Variants in ANO5 observed in about 807,000 individuals in gnomAD.
The protein encoded by ANO5 is anoctamin-5.
ANO5 carries 109 observed loss-of-function variants against 121.0 expected under a neutral mutation model. The observed-to-expected ratio is 0.90, with a 90% CI of 0.77 to 1.06. ANO5 has a LOEUF of 1.06. Among genes scored for constraint, ANO5 ranks in the 50% least tolerant of loss-of-function variants. The probability of loss-of-function intolerance (pLI) is 0.00; values close to 1 mark genes in which losing one functional copy is unlikely to be tolerated. For synonymous variants in ANO5, 406 were observed against 359.9 expected, an observed-to-expected ratio of 1.13 and a Z score of -1.45; for missense variants, 1,064 against 1,078.5, an observed-to-expected ratio of 0.99 and a Z score of 0.19.
chr11:22,267,464 TA>T (rs1269749824), intron 17 of ANO5, among the ~76,000 whole-genome samples: 1 of 149,800 alleles, frequency 6.7e-6, no homozygotes, highest in Non-Finnish European at 1.5e-5. Context: ...CAATACTTTT[TA>T]TGCCATATAA....
At chr11:22,255,911 T>C (rs1853987206) in intron 13 of ANO5, among the ~76,000 whole-genome samples, 1 of 152,180 alleles carries the variant, frequency 6.6e-6, no homozygotes, top group East Asian at 1.9e-4. Flanking sequence ...ATAATGTGTA[T>C]GCTGTGGGCT....
At chr11:22,204,808 G>T (rs1048854326) in intron 2 of ANO5, among the ~76,000 whole-genome samples, 7 of 152,066 alleles carry the variant, frequency 4.6e-5, no homozygotes, top group African/African-American at 1.7e-4. Context: ...AAGACCTAAA[G>T]ATAGAAATAC....
chr11:22,267,706 T>TATCA lies in ANO5; in HGVS notation c.1899-2605_1899-2602dup, dbSNP rs562590597. ...TGGGGGTTTGTTGTATAGATTATTT[T>TATCA]ATCATCCAGGTATTAAATCTAATAC... On this transcript the variant is annotated intron_variant, in intron 17 of 21. Coordinates refer to ENST00000324559, the MANE Select transcript of ANO5 (RefSeq NM_213599.3). Among the ~76,000 whole-genome samples, 17 of 152,238 alleles carry TATCA rather than the reference T, an allele frequency of 1.1e-4. No homozygotes were observed. The East Asian group carries it at 2.7e-3, about 24-fold the overall frequency.
intron 18 of ANO5, among the ~76,000 whole-genome samples, chr11:22,271,569 C>T (rs1854613071): frequency 6.6e-6 from 1 of 152,116 alleles, no homozygotes; most frequent in Non-Finnish European, 1.5e-5. Flanking sequence ...GTGTAAGTTT[C>T]AAATGAGTTT....
rs1194310711 is a variant in ANO5, at chr11:22,243,547, C to A, written c.878+3863C>A. ...GTATTTGGGTGTGAATTCATCTGGT[C>A]TAGGGCATTTTTTGATTGGTAGATT... On this transcript the variant is annotated intron_variant, in intron 9 of 21. Coordinates refer to ENST00000324559, the MANE Select transcript of ANO5 (RefSeq NM_213599.3). Among the ~76,000 whole-genome samples the A allele has an allele frequency of 2.6e-5, 4 of 151,896 alleles. No homozygotes were observed. The South Asian group carries it at 8.3e-4, about 32-fold the overall frequency.
rs1853786211 is a variant in ANO5, at chr11:22,250,752, G to C, written c.1025G>C (p.Cys342Ser). The change falls in exon 11 of 22, where the codon TGT (cysteine) becomes TCT (serine). Residue 342 changes from cysteine to serine, a missense_variant. Cys to Ser is a moderately radical substitution (Grantham distance 112). Coordinates refer to ENST00000324559, the MANE Select transcript of ANO5 (RefSeq NM_213599.3). ...TGTTCCTCTTGCAGCACTGAAATCT[G>C]TGACCCTGAGATTGGTGGTCAGATG... is the stretch of plus-strand genomic sequence containing the variant. ...MEHNTSSTEI[C>S]DPEIGGQMIM... 6.2e-7 allele frequency: 1 copy of C among 1,613,848 alleles called. No homozygotes were observed. Among genetic ancestry groups the C allele is most frequent in the Non-Finnish European group, 8.5e-7 (1 of 1,179,910 alleles).
At position 22,217,149 on chromosome 11, in the gene ANO5, T is replaced by C. The variant is rs148238457; in HGVS notation, c.139-1097T>C. 2.0e-3 allele frequency among the ~76,000 whole-genome samples: 309 copies of C among 152,136 alleles called. 2 individuals carry two copies. Among genetic ancestry groups the C allele is most frequent in the African/African-American group, 7.3e-3 (304 of 41,564 alleles). ...TACAGGGCAGGAATTTTCCCTCCAA[T>C]AGTCACCAGTTGCTTAGACTTCTTC... is the stretch of plus-strand genomic sequence containing the variant. On this transcript the variant is annotated intron_variant, in intron 3 of 21. Transcript: ENST00000324559.
At chr11:22,225,438 C>T (rs781316297) in intron 5 of ANO5, among the ~76,000 whole-genome samples, 2 of 152,094 alleles carry the variant, frequency 1.3e-5, no homozygotes, top group Non-Finnish European at 2.9e-5. Context: ...GCCCGGGTGA[C>T]AGAGTGAGAC....
chr11:22,248,357 G>A (rs1853690781), intron 9 of ANO5, among the ~76,000 whole-genome samples: 1 of 151,948 alleles, frequency 6.6e-6, no homozygotes, highest in Non-Finnish European at 1.5e-5. Flanking sequence ...ATACTCAAAA[G>A]AAGGCTCTCC....
chr11:22,238,183 T>G lies in ANO5; in HGVS notation c.763-1386T>G, dbSNP rs182412085. Among the ~76,000 whole-genome samples the G allele has an allele frequency of 6.7e-3, 1,024 of 152,088 alleles. 7 individuals carry two copies. Among genetic ancestry groups the G allele is most frequent in the African/African-American group, 0.023 (969 of 41,516 alleles). On this transcript the variant is annotated intron_variant, in intron 8 of 21. Transcript: ENST00000324559. ...TTAGGAGATTATAGATTCTAAATAC[T>G]AACATGGACGTTTGGTAAAGCAGAA...
chr11:22,218,561 T>C (rs1362576367), intron 4 of ANO5, among the ~76,000 whole-genome samples: 1 of 151,870 alleles, frequency 6.6e-6, no homozygotes, highest in Non-Finnish European at 1.5e-5. Flanking sequence ...AATGCAGGGT[T>C]TTATTTTGTT....
intron 14 of ANO5, 87 bp from the exon 15 acceptor site, chr11:22,259,432 G>C (rs1394058724): frequency 7.5e-7 from 1 of 1,340,774 alleles, no homozygotes; most frequent in Non-Finnish European, 1.1e-6. Flanking sequence ...CATATAATGA[G>C]ATGAACAGAA....
At chr11:22,248,662 T>C (rs1853700164) in intron 9 of ANO5, among the ~76,000 whole-genome samples, 1 of 151,960 alleles carries the variant, frequency 6.6e-6, no homozygotes, top group Admixed American at 6.6e-5. Flanking sequence ...AGCAATTTCT[T>C]TTTTTGACAG....
intron 9 of ANO5, among the ~76,000 whole-genome samples, chr11:22,245,742 C>A (rs1340228945): frequency 2.0e-5 from 3 of 152,134 alleles, no homozygotes; most frequent in Non-Finnish European, 4.4e-5. Flanking sequence ...GTTAGTCCAT[C>A]ACACATTCTC....
intron 9 of ANO5, among the ~76,000 whole-genome samples, chr11:22,247,107 C>T (rs1201932976): frequency 6.6e-6 from 1 of 152,102 alleles, no homozygotes; most frequent in Non-Finnish European, 1.5e-5. Context: ...CACCTATCTT[C>T]ATGACAACCT....
intron 12 of ANO5, among the ~76,000 whole-genome samples, chr11:22,253,420 T>G (rs556631127): frequency 6.6e-6 from 1 of 152,278 alleles, no homozygotes; most frequent in South Asian, 2.1e-4. Flanking sequence ...AAATTTTAAA[T>G]GATTAGTGTA....
At chr11:22,202,796 C>T (rs892986349) in intron 1 of ANO5, among the ~76,000 whole-genome samples, 1 of 152,172 alleles carries the variant, frequency 6.6e-6, no homozygotes, top group Non-Finnish European at 1.5e-5. Context: ...CTTTTATCTT[C>T]ACACTGCCTT....
chr11:22,196,327 C>T (rs1261079775), intron 1 of ANO5, among the ~76,000 whole-genome samples: 1 of 152,098 alleles, frequency 6.6e-6, no homozygotes, highest in Admixed American at 6.5e-5. Flanking sequence ...AACTGTTGCA[C>T]TCCCATGAGA....
chr11:22,269,449 G>T (rs1390731493), intron 17 of ANO5, among the ~76,000 whole-genome samples: 1 of 140,278 alleles, frequency 7.1e-6, no homozygotes, highest in South Asian at 2.2e-4. Context: ...AGAAGGGAAA[G>T]GAAGAAGGAA....
Sources: allele counts gnomAD v4.1 joint callset (sites outside exome capture counted in the v4.1 genomes callset), GRCh38; gene constraint gnomAD v4.1.1; transcripts MANE v1.5; gene names NCBI Gene and HGNC (gene_info 2026-07-23, HGNC 2026-07-21).